The following NKAIN3 variants were observed in gnomAD, a reference collection of about 807,000 sequenced individuals.
The protein encoded by NKAIN3 is sodium/potassium transporting ATPase interacting 3.
Under a neutral mutation model 30.2 loss-of-function variants are expected in NKAIN3, and 25 were observed. The observed-to-expected ratio is 0.83, with a 90% CI of 0.60 to 1.16. NKAIN3 has a LOEUF of 1.16. Among genes scored for constraint, NKAIN3 ranks in the 50% most tolerant of loss-of-function variants. NKAIN3 has a pLI of 0.00. For missense variants in NKAIN3, 225 were observed against 254.1 expected, an observed-to-expected ratio of 0.89 and a Z score of 0.78; for synonymous variants, 91 against 89.6, an observed-to-expected ratio of 1.02 and a Z score of -0.09.
rs1823794306 is a variant in NKAIN3, at chr8:62,969,902, A to G, written c.*4495A>G. On this transcript the variant is annotated 3_prime_UTR_variant, in exon 7 of 7. Transcript: ENST00000623646. Reference sequence around the variant, plus strand: ...TAACTGCACAGTGAACAATTTAGAAAGGGAACAGATGACCAGACACAGTGG... The same window carrying G: ...TAACTGCACAGTGAACAATTTAGAAGGGGAACAGATGACCAGACACAGTGG... 6.6e-6 allele frequency among the ~76,000 whole-genome samples: 1 copy of G among 152,144 alleles called. No individual in the cohort carries two copies. Among genetic ancestry groups the G allele is most frequent in the South Asian group, 2.1e-4 (1 of 4,824 alleles).
At position 62,543,597 on chromosome 8, in the gene NKAIN3, A is replaced by G. The variant is rs1224453766; in HGVS notation, c.55-35942A>G. On this transcript the variant is annotated intron_variant, in intron 1 of 6. Coordinates refer to ENST00000623646, the MANE Select transcript of NKAIN3 (RefSeq NM_001304533.3). ...TCTGAATTGTCTGTCACATTGGCCT[A>G]GAGTGTAATAGTTCATGGGTACCGT... Among the ~76,000 whole-genome samples, 4 of 152,210 alleles carry G rather than the reference A, an allele frequency of 2.6e-5. No individual in the cohort carries two copies. In the East Asian group the frequency reaches 5.8e-4, roughly 22 times the overall value.
rs542474112 is a variant in NKAIN3, at chr8:62,730,567, T to C, written c.274-16365T>C. On this transcript the variant is annotated intron_variant, in intron 3 of 6. Transcript: ENST00000623646. ...AAAAAGAAATCTGTATTATGTACTT[T>C]GGTGCTATATGAATTAACCATTTAC... Among the ~76,000 whole-genome samples, 32 of 152,304 alleles carry C rather than the reference T, an allele frequency of 2.1e-4. No homozygotes were observed. The South Asian group carries it at 5.0e-3, about 24-fold the overall frequency.
At chr8:62,778,475 C>T (rs1365646142) in intron 4 of NKAIN3, among the ~76,000 whole-genome samples, 2 of 152,016 alleles carry the variant, frequency 1.3e-5, no homozygotes, top group Non-Finnish European at 2.9e-5. Context: ...TGGAACTCTT[C>T]CCACAGTCAC....
intron 1 of NKAIN3, among the ~76,000 whole-genome samples, chr8:62,431,280 A>G (rs1201506162): frequency 1.3e-5 from 2 of 151,918 alleles, no homozygotes; most frequent in Non-Finnish European, 2.9e-5. Flanking sequence ...CTCTAAATGT[A>G]TTTAACAAAG....
intron 4 of NKAIN3, among the ~76,000 whole-genome samples, chr8:62,903,407 C>T (rs1192434035): frequency 1.3e-5 from 2 of 152,024 alleles, no homozygotes; most frequent in African/African-American, 4.8e-5. Context: ...CAGAGTGATC[C>T]AAATAAATAA....
chr8:62,855,663 G>A, intron 4 of NKAIN3: 1 of 1,604,106 alleles, frequency 6.2e-7, no homozygotes, highest in Non-Finnish European at 8.5e-7. Context: ...AAGTGCTGCT[G>A]CAGCCCAGGG....
rs1057296724 is a variant in NKAIN3 at position 62,938,079 on chromosome 8, G to A, written c.533-15823G>A. Among the ~76,000 whole-genome samples, 5 of 151,990 alleles carry A rather than the reference G, an allele frequency of 3.3e-5. No individual in the cohort carries two copies. In the East Asian group the frequency reaches 5.8e-4, roughly 18 times the overall value. ...CCAAAGAGAGGCTGAGCTCAGACAC[G>A]CCTAACCCTGCCACCACCTAATGGT... On this transcript the variant is annotated intron_variant, in intron 5 of 6. Coordinates refer to ENST00000623646, the MANE Select transcript of NKAIN3 (RefSeq NM_001304533.3).
At chr8:62,524,006 G>T (rs1808229153) in intron 1 of NKAIN3, among the ~76,000 whole-genome samples, 1 of 151,984 alleles carries the variant, frequency 6.6e-6, no homozygotes, top group Admixed American at 6.6e-5. Context: ...TTACTGTGTT[G>T]CTTTGGTCCT....
rs540103993 is a variant in NKAIN3 at position 62,537,500 on chromosome 8, G to A, written c.55-42039G>A. 2.5e-4 allele frequency among the ~76,000 whole-genome samples: 38 copies of A among 152,186 alleles called. 1 individual carries two copies. The South Asian group carries it at 6.8e-3, about 27-fold the overall frequency. ...GTGCCCAGAAAGTTTTAAAGGTTTC[G>A]TAAGTGATGTTGGTTTCTGTTAGGA... is the stretch of plus-strand genomic sequence containing the variant. On this transcript the variant is annotated intron_variant, in intron 1 of 6. Transcript: ENST00000623646.
chr8:62,302,570 T>C (rs945606257), intron 1 of NKAIN3, among the ~76,000 whole-genome samples: 1 of 152,018 alleles, frequency 6.6e-6, no homozygotes, highest in Admixed American at 6.6e-5. Context: ...TAAGTGACCA[T>C]GAGGGATGTC....
intron 4 of NKAIN3, among the ~76,000 whole-genome samples, chr8:62,841,799 CT>C (rs1196556174): frequency 1.3e-5 from 2 of 152,118 alleles, no homozygotes. Context: ...CTTTGGCATA[CT>C]TAATAATTTC....
chr8:62,428,229 T>C (rs1048237176), intron 1 of NKAIN3, among the ~76,000 whole-genome samples: 11 of 152,008 alleles, frequency 7.2e-5, no homozygotes, highest in Non-Finnish European at 2.9e-5. Flanking sequence ...ATGTTTTCTT[T>C]ATTCATTCAT....
At chr8:62,576,145 A>G (rs1216509757) in intron 1 of NKAIN3, among the ~76,000 whole-genome samples, 1 of 152,110 alleles carries the variant, frequency 6.6e-6, no homozygotes, top group East Asian at 1.9e-4. Context: ...GCTTCTGCAC[A>G]GCATAGGGAA....
chr8:62,459,256 C>T (rs182713411), intron 1 of NKAIN3, among the ~76,000 whole-genome samples: 3 of 152,188 alleles, frequency 2.0e-5, no homozygotes, highest in East Asian at 1.9e-4. Flanking sequence ...CCTCGGAGAT[C>T]GAGGACATTC....
At chr8:62,268,148 C>T (rs572250167) in intron 1 of NKAIN3, among the ~76,000 whole-genome samples, 1 of 152,286 alleles carries the variant, frequency 6.6e-6, no homozygotes, top group South Asian at 2.1e-4. Flanking sequence ...GTTGATGTTT[C>T]TCAGGTTCCC....
intron 1 of NKAIN3, among the ~76,000 whole-genome samples, chr8:62,508,099 C>T (rs1159431250): frequency 2.6e-5 from 4 of 152,056 alleles, no homozygotes; most frequent in Admixed American, 2.6e-4. Flanking sequence ...TGTCCCGTTC[C>T]CTAGATAGCT....
At chr8:62,614,962 G>T (rs1811405522) in intron 3 of NKAIN3, among the ~76,000 whole-genome samples, 1 of 152,158 alleles carries the variant, frequency 6.6e-6, no homozygotes, top group Non-Finnish European at 1.5e-5. Context: ...TGGAATCAGG[G>T]ACACCAAGAG....
intron 1 of NKAIN3, among the ~76,000 whole-genome samples, chr8:62,319,952 A>G (rs1814812587): frequency 6.6e-6 from 1 of 151,858 alleles, no homozygotes; most frequent in Non-Finnish European, 1.5e-5. Context: ...TCCCATTATT[A>G]TTGTGTGGTA....
At chr8:62,301,083 A>G (rs1449257114) in intron 1 of NKAIN3, among the ~76,000 whole-genome samples, 1 of 152,142 alleles carries the variant, frequency 6.6e-6, no homozygotes. Context: ...TTTTGGATAT[A>G]TTAAATGTAG....
Sources: allele counts gnomAD v4.1 joint callset (sites outside exome capture counted in the v4.1 genomes callset), GRCh38; gene constraint gnomAD v4.1.1; transcripts MANE v1.5; gene names NCBI Gene and HGNC (gene_info 2026-07-23, HGNC 2026-07-21).